LRRIQ1: variants seen among roughly 807,000 people sequenced by gnomAD.
LRRIQ1 encodes the protein leucine rich repeats and IQ motif containing 1.
LRRIQ1 carries 210 observed loss-of-function variants against 211.9 expected under a neutral mutation model. The ratio of observed to expected loss-of-function variants is 0.99; its 90% CI spans 0.89 to 1.11. The LOEUF (loss-of-function observed/expected upper bound fraction) is 1.11, where lower values mean the gene tolerates loss of function less well. LRRIQ1 is among the 50% of genes most tolerant of loss of function. LRRIQ1 has a pLI of 0.00. For synonymous variants in LRRIQ1, 699 were observed against 650.1 expected, an observed-to-expected ratio of 1.08 and a Z score of -1.14; for missense variants, 2,136 against 1,939.5, an observed-to-expected ratio of 1.10 and a Z score of -1.90.
chr12:85,176,273 G>A (rs1678956929), intron 24 of LRRIQ1, among the ~76,000 whole-genome samples: 2 of 151,986 alleles, frequency 1.3e-5, no homozygotes, highest in African/African-American at 4.8e-5. Context: ...AAGCAATTGT[G>A]AATGGGAGTT....
At chr12:85,049,871 GT>G (rs1880090146) in intron 6 of LRRIQ1, among the ~76,000 whole-genome samples, 1 of 152,150 alleles carries the variant, frequency 6.6e-6, no homozygotes, top group African/African-American at 2.4e-5. Context: ...AAATTTGATG[GT>G]TGACCATTTT....
rs995076753 is a variant in LRRIQ1 at position 85,038,958 on chromosome 12, C to T, written c.132+650C>T. ...AATATTGAGTGGACCAAATTCTTCA[C>T]ATCTTTTTATCATTTGAAAATCTTA... On this transcript the variant is annotated intron_variant, in intron 2 of 26. Coordinates refer to ENST00000393217, the MANE Select transcript of LRRIQ1 (RefSeq NM_001079910.2). Among the ~76,000 whole-genome samples the T allele has an allele frequency of 4.0e-4, 61 of 151,276 alleles. 1 individual carries two copies. Among genetic ancestry groups the T allele is most frequent in the African/African-American group, 1.4e-3 (60 of 41,406 alleles).
chr12:85,167,472 C>T (rs963216395), intron 24 of LRRIQ1, among the ~76,000 whole-genome samples: 7 of 150,608 alleles, frequency 4.6e-5, no homozygotes, highest in African/African-American at 1.8e-4. Context: ...TTGCAAACTG[C>T]TGGTGTAAGT....
intron 17 of LRRIQ1, among the ~76,000 whole-genome samples, chr12:85,127,310 T>A (rs1888436227): frequency 6.6e-6 from 1 of 152,236 alleles, no homozygotes. Context: ...TATTTACTAC[T>A]GAGTCTGTAA....
intron 24 of LRRIQ1, among the ~76,000 whole-genome samples, chr12:85,173,662 AAGAGAGAG>A (rs148337131): frequency 3.4e-5 from 5 of 148,348 alleles, no homozygotes; most frequent in Admixed American, 6.7e-5. Flanking sequence ...CACACACAGA[AAGAGAGAG>A]AGAGAGAGAG....
intron 24 of LRRIQ1, among the ~76,000 whole-genome samples, chr12:85,164,541 A>G (rs1891056531): frequency 1.3e-5 from 2 of 152,204 alleles, no homozygotes; most frequent in Admixed American, 1.3e-4. Context: ...TTTTAAAAGT[A>G]TGGCATCCCT....
intron 24 of LRRIQ1, among the ~76,000 whole-genome samples, chr12:85,181,299 G>C (rs1891970317): frequency 6.6e-6 from 1 of 151,752 alleles, no homozygotes; most frequent in African/African-American, 2.4e-5. Flanking sequence ...TATTTTTCAT[G>C]AAGAATAGAA....
rs534866877 is a variant in LRRIQ1 at position 85,069,510 on chromosome 12, C to T, written c.2695+2612C>T. On this transcript the variant is annotated intron_variant, in intron 10 of 26. Transcript: ENST00000393217. ...TTCTAGTTCTAGATCCCTGAGGAAT[C>T]GCCACGCTGACTTCCACAATGGTTG... 2.6e-5 allele frequency among the ~76,000 whole-genome samples: 4 copies of T among 152,140 alleles called. No individual in the cohort carries two copies. In the East Asian group the frequency reaches 5.8e-4, roughly 22 times the overall value.
chr12:85,261,386 A>G (rs1204151198), intron 1 of LRRIQ1, among the ~76,000 whole-genome samples: 1 of 152,206 alleles, frequency 6.6e-6, no homozygotes, highest in Non-Finnish European at 1.5e-5. Flanking sequence ...GCTTTTAAAC[A>G]TAAAATGAAC....
intron 12 of LRRIQ1, 56 bp downstream of exon 12, chr12:85,098,604 G>T (rs1367871833): frequency 1.4e-6 from 2 of 1,406,812 alleles, no homozygotes; most frequent in African/African-American, 1.4e-5. Context: ...TCTTTTGATA[G>T]AAATACCAAT....
chr12:85,238,942 A>G (rs1199851676), intron 26 of LRRIQ1, among the ~76,000 whole-genome samples: 1 of 152,180 alleles, frequency 6.6e-6, no homozygotes. Flanking sequence ...TTTAATTTAA[A>G]ATATGCTACG....
At chr12:85,169,249 T>C (rs1891295951) in intron 24 of LRRIQ1, among the ~76,000 whole-genome samples, 1 of 152,148 alleles carries the variant, frequency 6.6e-6, no homozygotes. Context: ...AATCTGTTTT[T>C]TGCATGATTT....
At chr12:85,063,184 C>T (rs1318775247) in intron 8 of LRRIQ1, among the ~76,000 whole-genome samples, 1 of 151,216 alleles carries the variant, frequency 6.6e-6, no homozygotes, top group African/African-American at 2.4e-5. Flanking sequence ...TCTAGCCGTG[C>T]AGAAGCTCTC....
chr12:85,197,940 T>A (rs1893034281), intron 24 of LRRIQ1, among the ~76,000 whole-genome samples: 7 of 108,480 alleles, frequency 6.5e-5, no homozygotes, highest in Admixed American at 1.2e-4. Context: ...TAATTATATA[T>A]ATTTATATAT....
At chr12:85,124,802 T>A in intron 17 of LRRIQ1, 1 of 291,550 alleles carries the variant, frequency 3.4e-6, no homozygotes, top group East Asian at 9.0e-5. Context: ...ATAATTAATA[T>A]GTTTTAAGGA....
intron 19 of LRRIQ1, among the ~76,000 whole-genome samples, chr12:85,139,836 G>A (rs572977221): frequency 6.6e-6 from 1 of 151,396 alleles, no homozygotes; most frequent in South Asian, 2.1e-4. Flanking sequence ...CTGCTGATTA[G>A]CACGTTTCTA....
intron 24 of LRRIQ1, among the ~76,000 whole-genome samples, chr12:85,174,701 CAAAAAAAAA>C (rs71076115): frequency 1.4e-4 from 3 of 21,614 alleles, no homozygotes; most frequent in Admixed American, 6.7e-4. Context: ...GAGTACAGCT[CAAAAAAAAA>C]AAAAAAAAAA....
At chr12:85,092,026 C>T (rs903005030) in intron 11 of LRRIQ1, among the ~76,000 whole-genome samples, 6 of 152,272 alleles carry the variant, frequency 3.9e-5, no homozygotes, top group African/African-American at 1.4e-4. Context: ...GCATTAGATT[C>T]TCATAGGAGC....
At chr12:85,101,416 A>G (rs140359226) in intron 13 of LRRIQ1, among the ~76,000 whole-genome samples, 16 of 151,918 alleles carry the variant, frequency 1.1e-4, no homozygotes, top group African/African-American at 3.9e-4. Flanking sequence ...GTGAGACTCT[A>G]AGTAGGAGCA....
Sources: allele counts gnomAD v4.1 joint callset (sites outside exome capture counted in the v4.1 genomes callset), GRCh38; gene constraint gnomAD v4.1.1; transcripts MANE v1.5; gene names NCBI Gene and HGNC (gene_info 2026-07-23, HGNC 2026-07-21).